The following CACNA1C variants were observed in gnomAD, a reference collection of about 807,000 sequenced individuals.
CACNA1C encodes calcium voltage-gated channel subunit alpha1 C.
In CACNA1C, 30 loss-of-function variants were observed where a neutral mutation model predicts 229.0. The ratio of observed to expected loss-of-function variants is 0.13; its 90% CI spans 0.10 to 0.18. The LOEUF (loss-of-function observed/expected upper bound fraction) is 0.18. Ranked by LOEUF, CACNA1C falls within the 10% of genes least tolerant of loss-of-function variation. CACNA1C has a pLI of 1.00. For synonymous variants in CACNA1C, 1,114 were observed against 1,132.5 expected, an observed-to-expected ratio of 0.98 and a Z score of 0.33; for missense variants, 1,658 against 2,845.0, an observed-to-expected ratio of 0.58 and a Z score of 9.49.
At chr12:2,577,965 T>C (rs2059087385) in intron 13 of CACNA1C, among the ~76,000 whole-genome samples, 1 of 149,990 alleles carries the variant, frequency 6.7e-6, no homozygotes, top group Non-Finnish European at 1.5e-5. Context: ...GCCTCCCGGG[T>C]TCACGCCATT....
At chr12:2,349,178 C>T (rs1032102773) in intron 3 of CACNA1C, among the ~76,000 whole-genome samples, 2 of 152,190 alleles carry the variant, frequency 1.3e-5, no homozygotes, top group African/African-American at 4.8e-5. Flanking sequence ...GCTCTAATAG[C>T]ATGTTCCCAT....
At chr12:2,004,461 G>A (rs1565897224) in intron 1 of CACNA1C, 1 of 1,585,460 alleles carries the variant, frequency 6.3e-7, no homozygotes, top group East Asian at 2.2e-5. Flanking sequence ...TAGGCACGGG[G>A]CTCTTGGAAG....
rs776362233 is a variant in CACNA1C, at chr12:2,556,992, C to T, written c.1508+15C>T. On this transcript the variant is annotated intron_variant, in intron 11 of 46. Transcript: ENST00000399655. ...TCAAAGTTCAGGTGAGTGAGACTCA[C>T]GCTGCTCTTCCTTCCTTCTGCCACC... The T allele has an allele frequency of 8.3e-5, 133 of 1,609,002 alleles. No individual in the cohort carries two copies. Among genetic ancestry groups the T allele is most frequent in the East Asian group, 8.9e-5 (4 of 44,870 alleles).
chr12:2,213,600 T>C (rs985167515), intron 3 of CACNA1C, among the ~76,000 whole-genome samples: 1 of 152,228 alleles, frequency 6.6e-6, no homozygotes, highest in Non-Finnish European at 1.5e-5. Context: ...CCGATGTTAA[T>C]GAGTGAAACT....
chr12:2,584,461 C>T (rs773375421), intron 15 of CACNA1C, 42 bp from the exon 16 acceptor site: 1 of 1,514,246 alleles, frequency 6.6e-7, no homozygotes. Context: ...CCACCAAAAC[C>T]CCAAACCAAG....
chr12:2,419,342 A>G (rs1186652913), intron 3 of CACNA1C, among the ~76,000 whole-genome samples: 1 of 152,044 alleles, frequency 6.6e-6, no homozygotes, highest in African/African-American at 2.4e-5. Flanking sequence ...GAGGTGTCAC[A>G]CACTTTTAAA....
chr12:2,394,248 T>G (rs764354077), intron 3 of CACNA1C, among the ~76,000 whole-genome samples: 2 of 152,238 alleles, frequency 1.3e-5, no homozygotes, highest in Non-Finnish European at 2.9e-5. Context: ...ACTCCTGATG[T>G]GGCTTCTCTC....
At chr12:2,323,942 A>G (rs1052696108) in intron 3 of CACNA1C, among the ~76,000 whole-genome samples, 5 of 152,156 alleles carry the variant, frequency 3.3e-5, no homozygotes, top group Non-Finnish European at 7.3e-5. Flanking sequence ...GTGGTGAGTG[A>G]AGGGCATGGA....
chr12:2,223,919 G>T (rs2062150839), intron 3 of CACNA1C, among the ~76,000 whole-genome samples: 1 of 152,140 alleles, frequency 6.6e-6, no homozygotes, highest in Non-Finnish European at 1.5e-5. Flanking sequence ...TTTATTTATA[G>T]ATATCCATAA....
At chr12:2,329,558 A>G (rs2096469669) in intron 3 of CACNA1C, among the ~76,000 whole-genome samples, 1 of 152,174 alleles carries the variant, frequency 6.6e-6, no homozygotes, top group Non-Finnish European at 1.5e-5. Context: ...CACATGCTCT[A>G]TCCCGACTTG....
intron 3 of CACNA1C, among the ~76,000 whole-genome samples, chr12:2,234,455 A>C (rs2066532462): frequency 6.6e-6 from 1 of 152,144 alleles, no homozygotes; most frequent in African/African-American, 2.4e-5. Flanking sequence ...CTTGAAAAGT[A>C]ATGTAGGGTC....
At chr12:2,375,281 T>C (rs534407980) in intron 3 of CACNA1C, among the ~76,000 whole-genome samples, 1 of 152,220 alleles carries the variant, frequency 6.6e-6, no homozygotes, top group South Asian at 2.1e-4. Context: ...GTGGGACAGG[T>C]TGGGCTGAGA....
At chr12:2,377,835 T>C (rs2238083) in intron 3 of CACNA1C, among the ~76,000 whole-genome samples, 53,850 of 152,120 alleles carry the variant, frequency 0.35, 9,795 homozygotes, top group Non-Finnish European at 0.41. Flanking sequence ...TTCTCCATGA[T>C]TTCTGAAGAA....
intron 1 of CACNA1C, among the ~76,000 whole-genome samples, chr12:2,073,901 C>A: frequency 6.6e-6 from 1 of 151,634 alleles, no homozygotes; most frequent in Non-Finnish European, 1.5e-5. Flanking sequence ...GTTATGGCCA[C>A]CTGGAGTGCT....
chr12:2,302,613 G>A (rs2094653834), intron 3 of CACNA1C, among the ~76,000 whole-genome samples: 1 of 152,082 alleles, frequency 6.6e-6, no homozygotes, highest in Non-Finnish European at 1.5e-5. Context: ...GATGGGTAGC[G>A]TGCCAACAGG....
chr12:2,631,985 T>C (rs922904848), intron 29 of CACNA1C, among the ~76,000 whole-genome samples: 2 of 151,252 alleles, frequency 1.3e-5, no homozygotes, highest in East Asian at 3.9e-4. Context: ...TTCTTGGCTT[T>C]GTGAGTAAAA....
chr12:2,153,735 G>C (rs1392550627), intron 3 of CACNA1C, among the ~76,000 whole-genome samples: 1 of 152,176 alleles, frequency 6.6e-6, no homozygotes, highest in Non-Finnish European at 1.5e-5. Context: ...TGGGGAAAAG[G>C]CTCTCCTCAT....
intron 3 of CACNA1C, among the ~76,000 whole-genome samples, chr12:2,407,855 G>A (rs1422753819): frequency 6.6e-6 from 1 of 152,188 alleles, no homozygotes; most frequent in Non-Finnish European, 1.5e-5. Context: ...TTAGAGAAAT[G>A]TCTATTCAAA....
rs113931664 is a variant in CACNA1C at position 2,605,662 on chromosome 12, G to T, written c.3049-17G>T. The T allele has an allele frequency of 6.3e-7, 1 of 1,598,458 alleles. No homozygotes were observed. Among genetic ancestry groups the T allele is most frequent in the Non-Finnish European group, 8.6e-7 (1 of 1,166,080 alleles). ...CTCCTGAAGCCACGTCCCTCTCCCCGTCCCTTCCCACTGCAGCATGTGGTT... is the reference window on the plus strand; with the variant it reads ...CTCCTGAAGCCACGTCCCTCTCCCCTTCCCTTCCCACTGCAGCATGTGGTT... On this transcript the variant is annotated splice_polypyrimidine_tract_variant and intron_variant, in intron 23 of 46. Transcript: ENST00000399655. This position sits in a 1 kb window ranked among gnomAD's most constrained non-coding sequence, Gnocchi z 6.2.
Sources: allele counts gnomAD v4.1 joint callset (sites outside exome capture counted in the v4.1 genomes callset), GRCh38; gene constraint gnomAD v4.1.1; non-coding constraint Gnocchi (gnomAD v3.1); transcripts MANE v1.5; gene names NCBI Gene and HGNC (gene_info 2026-07-23, HGNC 2026-07-21).